The following PLCG2 variants were observed in gnomAD, a reference collection of about 807,000 sequenced individuals.
The protein encoded by PLCG2 is phospholipase C gamma 2, also known as 1-phosphatidylinositol 4,5-bisphosphate phosphodiesterase gamma-2.
In PLCG2, 69 loss-of-function variants were observed where a neutral mutation model predicts 175.6. That is an observed-to-expected ratio of 0.39 (90% confidence interval 0.32 to 0.48). The LOEUF (loss-of-function observed/expected upper bound fraction) is 0.48. Among genes scored for constraint, PLCG2 ranks in the 20% least tolerant of loss-of-function variants. PLCG2 has a pLI of 0.91. For missense variants in PLCG2, 1,798 were observed against 1,650.9 expected (o/e 1.09, Z -1.54); for synonymous variants, 827 against 624.0 (o/e 1.33, Z -4.85).
chr16:81,750,198 A>G (rs1909779678), intron 1 of PLCG2, among the ~76,000 whole-genome samples: 1 of 152,202 alleles, frequency 6.6e-6, no homozygotes, highest in Non-Finnish European at 1.5e-5. Flanking sequence ...ACCTCAGGCC[A>G]GGAGTTCAAG....
At chr16:81,874,300 C>T (rs771497340) in intron 7 of PLCG2, among the ~76,000 whole-genome samples, 1 of 152,184 alleles carries the variant, frequency 6.6e-6, no homozygotes, top group African/African-American at 2.4e-5. Flanking sequence ...GCTCTGTCTG[C>T]TCATTTATGT....
chr16:81,888,275 A>G (rs1324255830), intron 9 of PLCG2, among the ~76,000 whole-genome samples: 1 of 151,924 alleles, frequency 6.6e-6, no homozygotes, highest in Non-Finnish European at 1.5e-5. Context: ...CAATGGTACA[A>G]CCTCGGTTCA....
At chr16:81,909,670 T>G (rs1238124755) in intron 17 of PLCG2, among the ~76,000 whole-genome samples, 1 of 152,180 alleles carries the variant, frequency 6.6e-6, no homozygotes, top group African/African-American at 2.4e-5. Flanking sequence ...GGCTTCGGCC[T>G]CCTGAAGTGC....
intron 1 of PLCG2, among the ~76,000 whole-genome samples, chr16:81,754,248 C>T (rs1346307921): frequency 6.7e-6 from 1 of 149,390 alleles, no homozygotes; most frequent in African/African-American, 2.5e-5. Context: ...CCCATCCCCA[C>T]CTCCTTCCCT....
intron 14 of PLCG2, among the ~76,000 whole-genome samples, chr16:81,902,425 C>T (rs927251413): frequency 6.6e-6 from 1 of 152,200 alleles, no homozygotes; most frequent in African/African-American, 2.4e-5. Flanking sequence ...CTGCCGACTT[C>T]TAGTTGTGTC....
At chr16:81,883,976 G>A (rs1908222135) in intron 9 of PLCG2, among the ~76,000 whole-genome samples, 1 of 152,222 alleles carries the variant, frequency 6.6e-6, no homozygotes, top group African/African-American at 2.4e-5. Flanking sequence ...GGAGGCTGCT[G>A]CCGGCATCTA....
chr16:81,833,659 A>T (rs1243293991), intron 2 of PLCG2, among the ~76,000 whole-genome samples: 1 of 151,710 alleles, frequency 6.6e-6, no homozygotes, highest in African/African-American at 2.4e-5. Flanking sequence ...CCTCCTGAGT[A>T]GCTGGGACCA....
intron 2 of PLCG2, among the ~76,000 whole-genome samples, chr16:81,789,865 C>G (rs967770599): frequency 1.3e-5 from 2 of 151,832 alleles, no homozygotes; most frequent in Non-Finnish European, 2.9e-5. Flanking sequence ...ATTGCCTCCC[C>G]TCTGTCATTT....
At chr16:81,743,169 AGAAG>A (rs1909631654) in intron 1 of PLCG2, among the ~76,000 whole-genome samples, 1 of 152,090 alleles carries the variant, frequency 6.6e-6, no homozygotes, top group Non-Finnish European at 1.5e-5. Context: ...AGGAAAGGAA[AGAAG>A]GAAGGAAGGA....
chr16:81,907,554 C>T (rs1909428709), intron 15 of PLCG2, 131 bp from the exon 16 acceptor site: 2 of 556,556 alleles, frequency 3.6e-6, no homozygotes, highest in African/African-American at 1.9e-5. Flanking sequence ...GAGAATTCGC[C>T]ATAAATGTCT....
chr16:81,746,355 C>A (rs1004839892), intron 1 of PLCG2, among the ~76,000 whole-genome samples: 2 of 152,192 alleles, frequency 1.3e-5, no homozygotes, highest in Admixed American at 6.5e-5. Context: ...TCCCAGAAAA[C>A]ATCTGGGGCG....
intron 31 of PLCG2, among the ~76,000 whole-genome samples, chr16:81,952,113 A>G (rs916970532): frequency 6.6e-5 from 10 of 152,286 alleles, no homozygotes; most frequent in African/African-American, 2.4e-4. Flanking sequence ...TAATTTAAAT[A>G]AAGGTACAGA....
chr16:81,815,327 G>T (rs1245505781), intron 2 of PLCG2, among the ~76,000 whole-genome samples: 2 of 152,168 alleles, frequency 1.3e-5, no homozygotes, highest in African/African-American at 2.4e-5. Context: ...GCCTCAGCAG[G>T]TTGGCAGCCA....
chr16:81,748,526 C>G (rs575505941), intron 1 of PLCG2, among the ~76,000 whole-genome samples: 1 of 151,808 alleles, frequency 6.6e-6, no homozygotes, highest in African/African-American at 2.4e-5. Flanking sequence ...AAGGATGTCT[C>G]GGAGAGGAGA....
intron 2 of PLCG2, among the ~76,000 whole-genome samples, chr16:81,772,448 T>G (rs1415606462): frequency 6.6e-6 from 1 of 152,090 alleles, no homozygotes; most frequent in Admixed American, 6.5e-5. Flanking sequence ...TCATGGTAAT[T>G]TGTTACGGCA....
At chr16:81,787,826 G>A (rs1911050390) in intron 2 of PLCG2, among the ~76,000 whole-genome samples, 1 of 152,034 alleles carries the variant, frequency 6.6e-6, no homozygotes, top group African/African-American at 2.4e-5. Flanking sequence ...TGGATCCTAT[G>A]TATGTGGGCT....
At chr16:81,774,017 C>T (rs953353233) in intron 2 of PLCG2, among the ~76,000 whole-genome samples, 2 of 151,856 alleles carry the variant, frequency 1.3e-5, no homozygotes, top group Non-Finnish European at 2.9e-5. Flanking sequence ...TCCACCAGGA[C>T]TCCAGGTTAG....
Position 81,770,854 on chromosome 16 carries a change from C to T in PLCG2, c.-48+14888C>T, listed in dbSNP as rs142105916. On this transcript the variant is annotated intron_variant, in intron 2 of 5. Transcript: ENST00000565054. ...CGGGCGGATCGTGAGGTCAGGAGAT[C>T]GAGACCATCCTGGCTAACACGGTGA... 8.0e-3 allele frequency among the ~76,000 whole-genome samples: 1,212 copies of T among 152,056 alleles called. 16 individuals are homozygous for T. Among genetic ancestry groups the T allele is most frequent in the African/African-American group, 0.027 (1,129 of 41,488 alleles).
At chr16:81,858,505 G>T (rs1906801975) in intron 4 of PLCG2, 149 bp downstream of exon 4, 3 of 653,896 alleles carry the variant, frequency 4.6e-6, no homozygotes, top group Non-Finnish European at 2.8e-6. Context: ...TGGGTGCCTA[G>T]TAGCGGTGTG....
Sources: allele counts gnomAD v4.1 joint callset (sites outside exome capture counted in the v4.1 genomes callset), GRCh38; gene constraint gnomAD v4.1.1; transcripts MANE v1.5; gene names NCBI Gene and HGNC (gene_info 2026-07-23, HGNC 2026-07-21).